Variants in HS3ST4 observed in about 807,000 individuals in gnomAD.
HS3ST4 encodes the protein heparan sulfate-glucosamine 3-sulfotransferase 4, also known as heparan sulfate glucosamine 3-O-sulfotransferase 4.
A neutral mutation model predicts 29.2 loss-of-function variants in HS3ST4; 17 were observed. The observed-to-expected ratio is 0.58, with a 90% CI of 0.40 to 0.87. HS3ST4 has a LOEUF of 0.87. Ranked by LOEUF, HS3ST4 falls within the 40% of genes least tolerant of loss-of-function variation. The pLI is 0.00. For synonymous variants in HS3ST4, 314 were observed against 285.7 expected, an observed-to-expected ratio of 1.10 and a Z score of -1.00; for missense variants, 627 against 634.5, an observed-to-expected ratio of 0.99 and a Z score of 0.13.
intron 1 of HS3ST4, among the ~76,000 whole-genome samples, chr16:26,027,827 G>A (rs1969490551): frequency 6.6e-6 from 1 of 152,164 alleles, no homozygotes; most frequent in Admixed American, 6.5e-5. Flanking sequence ...CACATCTAGT[G>A]ATACAAGGGG....
At chr16:25,787,432 T>A (rs766157748) in intron 1 of HS3ST4, among the ~76,000 whole-genome samples, 1 of 152,232 alleles carries the variant, frequency 6.6e-6, no homozygotes, top group Non-Finnish European at 1.5e-5. Flanking sequence ...GGACTGGGCT[T>A]GTGCTGGCTT....
chr16:25,921,846 C>T (rs1968358250), intron 1 of HS3ST4, among the ~76,000 whole-genome samples: 1 of 151,854 alleles, frequency 6.6e-6, no homozygotes, highest in Non-Finnish European at 1.5e-5. Flanking sequence ...CCTCAACCTC[C>T]TGGGCTCAAG....
intron 1 of HS3ST4, among the ~76,000 whole-genome samples, chr16:25,994,938 A>G (rs1170251787): frequency 6.6e-6 from 1 of 152,244 alleles, no homozygotes; most frequent in Non-Finnish European, 1.5e-5. Context: ...CCTGAATACC[A>G]TGTACCTACT....
chr16:26,023,669 G>A (rs1969438036), intron 1 of HS3ST4, among the ~76,000 whole-genome samples: 1 of 151,934 alleles, frequency 6.6e-6, no homozygotes, highest in African/African-American at 2.4e-5. Context: ...GCCTCCTAAT[G>A]TGCTGGGATT....
intron 1 of HS3ST4, among the ~76,000 whole-genome samples, chr16:25,697,822 A>G (rs192651538): frequency 1.3e-5 from 2 of 152,198 alleles, no homozygotes; most frequent in Admixed American, 6.5e-5. Context: ...ACAGGTGCGC[A>G]CCACCACGTC....
intron 1 of HS3ST4, among the ~76,000 whole-genome samples, chr16:25,694,102 C>T (rs576125851): frequency 2.6e-5 from 4 of 152,188 alleles, no homozygotes; most frequent in Non-Finnish European, 5.9e-5. Context: ...TTCTGGGAAA[C>T]AGATCTGCAT....
At chr16:26,127,420 C>G (rs1286122348) in intron 1 of HS3ST4, among the ~76,000 whole-genome samples, 1 of 152,192 alleles carries the variant, frequency 6.6e-6, no homozygotes, top group Non-Finnish European at 1.5e-5. Flanking sequence ...TCAGACCAGC[C>G]TGGGCAACAT....
intron 1 of HS3ST4, among the ~76,000 whole-genome samples, chr16:25,777,929 G>T (rs1437497554): frequency 1.3e-5 from 2 of 152,138 alleles, no homozygotes; most frequent in Non-Finnish European, 2.9e-5. Context: ...GTTTCCATTT[G>T]CATAGAGAGA....
In HS3ST4 at chr16:26,137,170, C is replaced by G. The variant is rs560629149; in HGVS notation, c.*922C>G. 6.6e-6 allele frequency: 1 copy of G among 152,138 alleles called. No individual in the cohort carries two copies. The highest frequency in any genetic ancestry group is 2.1e-4 in the South Asian group (1 of 4,790). 9.4% of individuals were successfully genotyped at this position (152,138 alleles called of 1,614,324 possible). A position where few individuals can be genotyped will look rare whatever the true frequency, so the allele number is the denominator to read the frequency against. ...TTACCTTACCTGAAGACCATCTCTC[C>G]CAAGCACTGTAGTTCTGAGCATGTT... On this transcript the variant is annotated 3_prime_UTR_variant, in exon 2 of 2. Coordinates refer to ENST00000331351, the MANE Select transcript of HS3ST4 (RefSeq NM_006040.3).
At chr16:25,773,376 C>G (rs951494141) in intron 1 of HS3ST4, among the ~76,000 whole-genome samples, 2 of 152,050 alleles carry the variant, frequency 1.3e-5, no homozygotes, top group Admixed American at 6.6e-5. Context: ...CTGTCCAGTC[C>G]CATTGGTTTT....
chr16:25,801,067 C>A (rs969210210), intron 1 of HS3ST4, among the ~76,000 whole-genome samples: 1 of 152,116 alleles, frequency 6.6e-6, no homozygotes, highest in Non-Finnish European at 1.5e-5. Context: ...GTTTATGATT[C>A]AGTAGGGTTG....
At chr16:25,918,434 C>G (rs914113554) in intron 1 of HS3ST4, among the ~76,000 whole-genome samples, 4 of 152,138 alleles carry the variant, frequency 2.6e-5, no homozygotes, top group Admixed American at 2.0e-4. Flanking sequence ...TACAGCCTAC[C>G]TGAGGGGAGG....
At chr16:25,902,387 T>C in intron 1 of HS3ST4, among the ~76,000 whole-genome samples, 1 of 152,026 alleles carries the variant, frequency 6.6e-6, no homozygotes, top group African/African-American at 2.4e-5. Context: ...TCTCAGCTAC[T>C]CTGGAGGCTG....
chr16:25,778,521 C>A (rs1966849749), intron 1 of HS3ST4, among the ~76,000 whole-genome samples: 2 of 152,212 alleles, frequency 1.3e-5, no homozygotes, highest in Admixed American at 1.3e-4. Flanking sequence ...GGCAATGGTG[C>A]ACATTTGTTT....
In HS3ST4 at chr16:25,692,379, TGCCGCC is replaced by T. The variant is rs958713046; in HGVS notation, c.-21_-16del. On this transcript the variant is annotated 5_prime_UTR_variant, in exon 1 of 2. Transcript: ENST00000331351. ...ACCATGTCCGGGCAGCGCCGGGGGC[TGCCGCC>T]GCCGCCGCCGCCGCCGCGAGCCGGG... 4.2e-5 allele frequency: 20 copies of T among 477,724 alleles called. No individual in the cohort carries two copies. The highest frequency in any genetic ancestry group is 1.7e-4 in the East Asian group (1 of 5,884). The allele number at this position is 477,724 out of a possible 1,614,324, so 29.6% of individuals were successfully genotyped here. A position where few individuals can be genotyped will look rare whatever the true frequency, so the allele number is the denominator to read the frequency against.
intron 1 of HS3ST4, among the ~76,000 whole-genome samples, chr16:26,004,151 G>A (rs139359248): frequency 3.1e-4 from 47 of 152,236 alleles, no homozygotes; most frequent in African/African-American, 1.1e-3. Flanking sequence ...CTAAGTCCCT[G>A]AAAAAGGTTT....
chr16:25,841,126 C>T (rs1404297457), intron 1 of HS3ST4, among the ~76,000 whole-genome samples: 2 of 151,836 alleles, frequency 1.3e-5, no homozygotes, highest in Non-Finnish European at 2.9e-5. Flanking sequence ...CTGCCTCAGC[C>T]TCCCAAGTAG....
intron 1 of HS3ST4, among the ~76,000 whole-genome samples, chr16:25,755,718 CCA>C (rs763350870): frequency 4.6e-5 from 7 of 152,156 alleles, no homozygotes; most frequent in Non-Finnish European, 8.8e-5. Context: ...GAAAATTTGG[CCA>C]CACTGCACCC....
At chr16:25,935,363 G>T (rs1226200345) in intron 1 of HS3ST4, among the ~76,000 whole-genome samples, 2 of 152,082 alleles carry the variant, frequency 1.3e-5, no homozygotes, top group East Asian at 1.9e-4. Flanking sequence ...TTCACTCTTG[G>T]TGTTGTCCAT....
Sources: allele counts gnomAD v4.1 joint callset (sites outside exome capture counted in the v4.1 genomes callset), GRCh38; gene constraint gnomAD v4.1.1; transcripts MANE v1.5; gene names NCBI Gene and HGNC (gene_info 2026-07-23, HGNC 2026-07-21).